FIGN: variants seen among roughly 807,000 people sequenced by gnomAD.
The protein encoded by FIGN is fidgetin.
FIGN carries 11 observed loss-of-function variants against 51.3 expected under a neutral mutation model. The ratio of observed to expected loss-of-function variants is 0.21; its 90% CI spans 0.13 to 0.35. The LOEUF is 0.35. FIGN is among the 10% of genes least tolerant of loss of function. FIGN has a pLI of 1.00. For synonymous variants in FIGN, 407 were observed against 363.2 expected, an observed-to-expected ratio of 1.12 and a Z score of -1.37; for missense variants, 857 against 943.6, an observed-to-expected ratio of 0.91 and a Z score of 1.20.
chr2:163,715,389 C>T (rs1295366660), intron 2 of FIGN, among the ~76,000 whole-genome samples: 1 of 152,160 alleles, frequency 6.6e-6, no homozygotes, highest in East Asian at 1.9e-4. Context: ...AAGGGTCATT[C>T]CTCCTTGCTG....
At position 163,603,528 on chromosome 2, in the gene FIGN, C is replaced by G. The variant is rs192816091; in HGVS notation, c.*6024G>C. The G allele has an allele frequency of 9.2e-5, 14 of 152,060 alleles. No homozygotes were observed. Among genetic ancestry groups the G allele is most frequent in the African/African-American group, 3.4e-4 (14 of 41,510 alleles). The allele number at this position is 152,060 out of a possible 1,614,324, so 9.4% of individuals were successfully genotyped here. ...AATACAGTAAACAAATAAAACAAAA[C>G]AAAAACCCTCTCTTAATCACTACTA... On this transcript the variant is annotated 3_prime_UTR_variant, in exon 3 of 3. Coordinates refer to ENST00000333129, the MANE Select transcript of FIGN (RefSeq NM_018086.4).
chr2:163,659,016 A>G (rs990261545), intron 2 of FIGN, among the ~76,000 whole-genome samples: 1 of 152,172 alleles, frequency 6.6e-6, no homozygotes, highest in African/African-American at 2.4e-5. Flanking sequence ...CACATCATCT[A>G]TACCCACAAA....
In FIGN at chr2:163,688,122, C is replaced by T. The variant is rs138065882; in HGVS notation, c.25+46781G>A. Reference sequence around the variant, plus strand: ...CACAAAGAAGATACATGTATATATACGGCATTCACTCTTTACTGAAGTGAA... The same window carrying T: ...CACAAAGAAGATACATGTATATATATGGCATTCACTCTTTACTGAAGTGAA... On this transcript the variant is annotated intron_variant, in intron 2 of 2. Transcript: ENST00000333129. Among the ~76,000 whole-genome samples, 25 of 152,250 alleles carry T rather than the reference C, an allele frequency of 1.6e-4. No homozygotes were observed. In the East Asian group the frequency reaches 2.1e-3, roughly 13 times the overall value.
At chr2:163,653,179 T>C (rs1683505156) in intron 2 of FIGN, among the ~76,000 whole-genome samples, 1 of 152,086 alleles carries the variant, frequency 6.6e-6, no homozygotes, top group Non-Finnish European at 1.5e-5. Flanking sequence ...ATCCATGTAA[T>C]GTGCTTCAAA....
chr2:163,705,656 A>G (rs561626496), intron 2 of FIGN, among the ~76,000 whole-genome samples: 3 of 151,558 alleles, frequency 2.0e-5, no homozygotes, highest in South Asian at 4.2e-4. Context: ...TTTTTTGACA[A>G]TCCTAATAGA....
intron 2 of FIGN, among the ~76,000 whole-genome samples, chr2:163,705,617 A>G (rs1684487451): frequency 6.6e-6 from 1 of 151,720 alleles, no homozygotes; most frequent in Non-Finnish European, 1.5e-5. Flanking sequence ...TGTAAACTCT[A>G]TTTTATATTG....
Position 163,605,112 on chromosome 2 carries a change from T to C in FIGN, c.*4440A>G, listed in dbSNP as rs183716547. 6.6e-6 allele frequency: 1 copy of C among 151,940 alleles called. No homozygotes were observed. Among genetic ancestry groups the C allele is most frequent in the Non-Finnish European group, 1.5e-5 (1 of 67,982 alleles). 9.4% of individuals were successfully genotyped at this position (151,940 alleles called of 1,614,324 possible). On this transcript the variant is annotated 3_prime_UTR_variant, in exon 3 of 3. Transcript: ENST00000333129. ...ATGCTGCCGACATTCTACATATCACTGAGACAGGGAGGTGAAATTTTCCTG... is the reference window on the plus strand; with the variant it reads ...ATGCTGCCGACATTCTACATATCACCGAGACAGGGAGGTGAAATTTTCCTG...
intron 2 of FIGN, among the ~76,000 whole-genome samples, chr2:163,708,627 T>C (rs1209253663): frequency 6.6e-6 from 1 of 152,212 alleles, no homozygotes; most frequent in African/African-American, 2.4e-5. Flanking sequence ...AAATATTGTT[T>C]CTGTCTTTTA....
At chr2:163,700,642 G>T (rs1205739712) in intron 2 of FIGN, among the ~76,000 whole-genome samples, 1 of 152,080 alleles carries the variant, frequency 6.6e-6, no homozygotes, top group Non-Finnish European at 1.5e-5. Flanking sequence ...GTTCAGTCAA[G>T]GTTACAAGCA....
intron 2 of FIGN, among the ~76,000 whole-genome samples, chr2:163,709,828 T>C (rs2105355905): frequency 6.6e-6 from 1 of 152,274 alleles, no homozygotes; most frequent in East Asian, 1.9e-4. Flanking sequence ...TCAATCAATT[T>C]ATTTTTACTC....
chr2:163,652,372 A>ACAC (rs1683492227), intron 2 of FIGN, among the ~76,000 whole-genome samples: 2 of 151,480 alleles, frequency 1.3e-5, no homozygotes, highest in African/African-American at 4.8e-5. Context: ...ACACACACAC[A>ACAC]CACACACACA....
intron 2 of FIGN, among the ~76,000 whole-genome samples, chr2:163,679,549 G>A (rs1684026324): frequency 6.6e-6 from 1 of 151,672 alleles, no homozygotes; most frequent in South Asian, 2.1e-4. Flanking sequence ...ACTTTTTAAA[G>A]TATACCAGCT....
At chr2:163,680,580 AT>A (rs1559019016) in intron 2 of FIGN, among the ~76,000 whole-genome samples, 1 of 152,106 alleles carries the variant, frequency 6.6e-6, no homozygotes, top group South Asian at 2.1e-4. Context: ...CTCTTCTAGA[AT>A]TAGTGCTTCC....
chr2:163,641,794 T>A (rs1683310015), intron 2 of FIGN, among the ~76,000 whole-genome samples: 1 of 152,220 alleles, frequency 6.6e-6, no homozygotes, highest in Admixed American at 6.5e-5. Flanking sequence ...GTACCAAATA[T>A]TCTTCTTAGA....
At chr2:163,683,077 G>A (rs1684090772) in intron 2 of FIGN, among the ~76,000 whole-genome samples, 1 of 152,070 alleles carries the variant, frequency 6.6e-6, no homozygotes, top group Non-Finnish European at 1.5e-5. Context: ...GCTAAAGGGA[G>A]ACATATGGGT....
rs189989867 is a variant in FIGN at position 163,630,129 on chromosome 2, C to A, written c.26-18323G>T. On this transcript the variant is annotated intron_variant, in intron 2 of 2. Coordinates refer to ENST00000333129, the MANE Select transcript of FIGN (RefSeq NM_018086.4). ...ACAGGCACATGCTACCCATGCCTAG[C>A]AAACTTTTTTATTTTTTGTAGAAAC... is the stretch of plus-strand genomic sequence containing the variant. Among the ~76,000 whole-genome samples, 92 of 151,490 alleles carry A rather than the reference C, an allele frequency of 6.1e-4. 1 individual carries two copies. The highest frequency in any genetic ancestry group is 1.3e-3 in the South Asian group (6 of 4,780).
Position 163,672,710 on chromosome 2 carries a change from G to A in FIGN, c.26-60904C>T, listed in dbSNP as rs560061838. 5.3e-5 allele frequency among the ~76,000 whole-genome samples: 8 copies of A among 152,216 alleles called. 1 individual carries two copies. The South Asian group carries it at 1.7e-3, about 32-fold the overall frequency. ...GCCACAACAATAACAAGAAAAAAAAGCCACGATGATGTTTAGAAGTTAACT... is the reference window on the plus strand; with the variant it reads ...GCCACAACAATAACAAGAAAAAAAAACCACGATGATGTTTAGAAGTTAACT... On this transcript the variant is annotated intron_variant, in intron 2 of 2. Coordinates refer to ENST00000333129, the MANE Select transcript of FIGN (RefSeq NM_018086.4).
In FIGN at chr2:163,611,600, T is replaced by C. The variant is rs761133484; in HGVS notation, c.232A>G (p.Ile78Val). Reference sequence around the variant, plus strand: ...GGTCGGTCCACAGGACCTTCCAAAATGCCGGAATACTTCTCTGCATATTTT... The same window carrying C: ...GGTCGGTCCACAGGACCTTCCAAAACGCCGGAATACTTCTCTGCATATTTT... ...LKKYAEKYSG[I>V]LEGPVDRPVL... The change falls in exon 3 of 3, where the codon ATT becomes GTT. Residue 78 changes from isoleucine (I) to valine (V), a missense_variant. By Grantham distance (29) the Ile-to-Val change is conservative. Around this residue, in one of 3 missense-constraint regions of FIGN, gnomAD observed 799 missense variants for 849.5 expected, o/e 0.94. Transcript: ENST00000333129. The C allele has an allele frequency of 9.3e-6, 15 of 1,614,128 alleles. No homozygotes were observed.
chr2:163,675,953 T>A (rs1683956089), intron 2 of FIGN, among the ~76,000 whole-genome samples: 1 of 149,720 alleles, frequency 6.7e-6, no homozygotes. Flanking sequence ...GAGGGAGGGG[T>A]GGGGTGTTTT....
Sources: allele counts gnomAD v4.1 joint callset (sites outside exome capture counted in the v4.1 genomes callset), GRCh38; gene constraint gnomAD v4.1.1; regional missense constraint gnomAD v4.1.1; transcripts MANE v1.5; gene names NCBI Gene and HGNC (gene_info 2026-07-23, HGNC 2026-07-21).